DIP2C: variants seen among roughly 807,000 people sequenced by gnomAD.
DIP2C encodes the protein DIP2 acetate--CoA ligase C (putative).
In DIP2C, 33 loss-of-function variants were observed where a neutral mutation model predicts 192.4. That is an observed-to-expected ratio of 0.17 (90% CI 0.13 to 0.23). The LOEUF (loss-of-function observed/expected upper bound fraction) is 0.23, where lower values mean the gene tolerates loss of function less well. DIP2C is among the 10% of genes least tolerant of loss of function. The pLI is 1.00. For synonymous variants in DIP2C, 979 were observed against 864.1 expected (o/e 1.13, Z -2.33); for missense variants, 1,537 against 2,110.1 (o/e 0.73, Z 5.32).
chr10:669,880 A>C (rs1180244841), intron 1 of DIP2C, among the ~76,000 whole-genome samples: 8 of 152,270 alleles, frequency 5.3e-5, no homozygotes, highest in African/African-American at 1.9e-4. Flanking sequence ...GTAAACACAC[A>C]GTACAGAACA....
intron 1 of DIP2C, among the ~76,000 whole-genome samples, chr10:561,544 T>C (rs911729848): frequency 3.3e-5 from 5 of 152,194 alleles, no homozygotes; most frequent in African/African-American, 1.2e-4. Flanking sequence ...AGTTTACTCC[T>C]CTAAAACCAC....
At chr10:634,803 C>G (rs567251723) in intron 1 of DIP2C, among the ~76,000 whole-genome samples, 1 of 151,984 alleles carries the variant, frequency 6.6e-6, no homozygotes, top group Non-Finnish European at 1.5e-5. Flanking sequence ...ATGATTCTCA[C>G]GACACTGTCA....
chr10:643,887 G>A (rs1392757106), intron 1 of DIP2C, among the ~76,000 whole-genome samples: 1 of 152,230 alleles, frequency 6.6e-6, no homozygotes. Flanking sequence ...CTTCACAGAC[G>A]TATGAGGGTG....
intron 3 of DIP2C, among the ~76,000 whole-genome samples, chr10:464,242 T>C (rs1970027932): frequency 1.3e-5 from 2 of 151,956 alleles, no homozygotes; most frequent in South Asian, 4.2e-4. Context: ...TTGCAATCCA[T>C]CCATCTGACA....
At position 417,709 on chromosome 10, in the gene DIP2C, C is replaced by T. The variant is rs1342465737; in HGVS notation, c.739+1356G>A. On this transcript the variant is annotated intron_variant, in intron 6 of 36. Transcript: ENST00000280886. ...CCCTGTCCGCCTGTGCCTGTCGGCT[C>T]AAATAGGCCTCCCTGTCTGCCTGCG... Among the ~76,000 whole-genome samples, 147 of 131,382 alleles carry T rather than the reference C, an allele frequency of 1.1e-3. 4 individuals carry two copies. The highest frequency in any genetic ancestry group is 4.4e-3 in the Middle Eastern group (1 of 228). 86.2% of individuals were successfully genotyped at this position (131,382 alleles called of 152,430 possible). A position where few individuals can be genotyped will look rare whatever the true frequency, so the allele number is the denominator to read the frequency against.
intron 1 of DIP2C, among the ~76,000 whole-genome samples, chr10:537,258 C>T (rs1022819997): frequency 6.6e-6 from 1 of 152,070 alleles, no homozygotes; most frequent in African/African-American, 2.4e-5. Flanking sequence ...GGATCTAGAG[C>T]CCTGCACAGC....
At position 674,789 on chromosome 10, in the gene DIP2C, T is replaced by TATATATATATATAG; in HGVS notation, c.85+14704_85+14705insCTATATATATATAT. Among the ~76,000 whole-genome samples the TATATATATATATAG allele has an allele frequency of 6.1e-3, 384 of 62,468 alleles. 9 individuals are homozygous for TATATATATATATAG. Among genetic ancestry groups the TATATATATATATAG allele is most frequent in the Non-Finnish European group, 6.2e-3 (233 of 37,418 alleles). 41.0% of individuals were successfully genotyped at this position (62,468 alleles called of 152,430 possible). On this transcript the variant is annotated intron_variant, in intron 1 of 36. Transcript: ENST00000280886. Reference sequence around the variant, plus strand: ...CATCTCAAATATATATATATATATATAGAGAGAGAGAGAGAGAGAGAGAGA... The same window carrying TATATATATATATAG: ...CATCTCAAATATATATATATATATATATATATATATATAGAGAGAGAGAGAGAGAGAGAGAGAGA...
Position 666,616 on chromosome 10 carries a change from TGTCTGCCCGTGGCCTGTCTGCCCGTGG to T in DIP2C, c.85+22851_85+22877del. On this transcript the variant is annotated intron_variant, in intron 1 of 36. Coordinates refer to ENST00000280886, the MANE Select transcript of DIP2C (RefSeq NM_014974.3). This position sits in a 1 kb window ranked among gnomAD's most constrained non-coding sequence, Gnocchi z 4.1. ...GCCCGTGGCCTGTCTGCCCGTGGCC[TGTCTGCCCGTGGCCTGTCTGCCCGTGG>T]CCTGTCTGCGCACAGCTATTAAAAG... 1.2e-4 allele frequency: 1 copy of T among 8,092 alleles called. No individual in the cohort carries two copies. Among genetic ancestry groups the T allele is most frequent in the Middle Eastern group, 0.25 (1 of 4 alleles). The allele number at this position is 8,092 out of a possible 1,614,324, so 0.5% of individuals were successfully genotyped here.
In DIP2C at chr10:539,847, C is replaced by G. The variant is rs546090039; in HGVS notation, c.86-53317G>C. 3.3e-5 allele frequency among the ~76,000 whole-genome samples: 5 copies of G among 152,260 alleles called. No homozygotes were observed. The East Asian group carries it at 9.6e-4, about 29-fold the overall frequency. On this transcript the variant is annotated intron_variant, in intron 1 of 36. Transcript: ENST00000280886. ...CAAAAACAGCTATATCATAGAATAA[C>G]AGGATAAAGCAGACCTACAATATGC...
chr10:593,106 C>A (rs1002935509), intron 1 of DIP2C, among the ~76,000 whole-genome samples: 3 of 151,960 alleles, frequency 2.0e-5, no homozygotes, highest in Admixed American at 2.0e-4. Flanking sequence ...GCCTGCAATC[C>A]CAGCACTGAG....
Position 689,584 on chromosome 10 carries a change from GC to G in DIP2C, c.-7del. On this transcript the variant is annotated 5_prime_UTR_variant, in exon 1 of 37. Coordinates refer to ENST00000280886, the MANE Select transcript of DIP2C (RefSeq NM_014974.3). The surrounding 1 kb of genome is among the most constrained non-coding windows in gnomAD (Gnocchi z 6.1). ...TCCAGGCTGCGGTCCGCCATGCTCC[GC>G]GGGCGCCGCGCCCCGCACGGCCTCC... is the stretch of plus-strand genomic sequence containing the variant. 8.6e-7 allele frequency: 1 copy of G among 1,158,760 alleles called. No homozygotes were observed. The highest frequency in any genetic ancestry group is 1.1e-6 in the Non-Finnish European group (1 of 936,896). The allele number at this position is 1,158,760 out of a possible 1,614,324, so 71.8% of individuals were successfully genotyped here.
chr10:579,415 C>T (rs534628672), intron 1 of DIP2C, among the ~76,000 whole-genome samples: 153 of 151,726 alleles, frequency 1.0e-3, no homozygotes, highest in Non-Finnish European at 1.4e-3. Context: ...ATCCATATAG[C>T]GTATGTACAT....
Position 579,283 on chromosome 10 carries a change from C to T in DIP2C, c.86-92753G>A, listed in dbSNP as rs528466254. 9.2e-5 allele frequency among the ~76,000 whole-genome samples: 14 copies of T among 151,754 alleles called. 1 individual carries two copies. The highest frequency in any genetic ancestry group is 5.2e-4 in the Admixed American group (8 of 15,274). On this transcript the variant is annotated intron_variant, in intron 1 of 36. Coordinates refer to ENST00000280886, the MANE Select transcript of DIP2C (RefSeq NM_014974.3). ...TACATGCATACAGCATACACACATC[C>T]AGATTCATGTAGTGTACACACATAG...
At chr10:344,668 G>A (rs1024282728) in intron 28 of DIP2C, 141 bp downstream of exon 28, 12 of 689,682 alleles carry the variant, frequency 1.7e-5, no homozygotes, top group South Asian at 5.4e-5. Context: ...GTGTCATACC[G>A]TGAATGAAAC....
chr10:556,488 C>A (rs1030248375), intron 1 of DIP2C, among the ~76,000 whole-genome samples: 16 of 149,704 alleles, frequency 1.1e-4, no homozygotes, highest in African/African-American at 3.7e-4. Flanking sequence ...TGGCAGCGGC[C>A]ACCTGACTCT....
At chr10:628,330 A>C (rs1854313730) in intron 1 of DIP2C, among the ~76,000 whole-genome samples, 1 of 152,252 alleles carries the variant, frequency 6.6e-6, no homozygotes, top group Non-Finnish European at 1.5e-5. Context: ...CCATTGGCCC[A>C]AAAATCCACC....
At chr10:392,822 ACACACACACGCCCACG>A (rs1258087836) in intron 10 of DIP2C, among the ~76,000 whole-genome samples, 42 of 150,776 alleles carry the variant, frequency 2.8e-4, no homozygotes, top group African/African-American at 9.5e-4. Flanking sequence ...CAGCGCACAC[ACACACACACGCCCACG>A]CACACACACG....
At chr10:616,645 G>A (rs547112245) in intron 1 of DIP2C, among the ~76,000 whole-genome samples, 2 of 152,316 alleles carry the variant, frequency 1.3e-5, no homozygotes, top group South Asian at 2.1e-4. Flanking sequence ...CCACGTGTGC[G>A]TGGAGAGCAG....
At chr10:321,319 G>C (rs2132396358) in intron 31 of DIP2C, among the ~76,000 whole-genome samples, 1 of 152,342 alleles carries the variant, frequency 6.6e-6, no homozygotes, top group East Asian at 1.9e-4. Context: ...TAACACTCAT[G>C]AACTGTGCAG....
Sources: allele counts gnomAD v4.1 joint callset (sites outside exome capture counted in the v4.1 genomes callset), GRCh38; gene constraint gnomAD v4.1.1; non-coding constraint Gnocchi (gnomAD v3.1); transcripts MANE v1.5; gene names NCBI Gene and HGNC (gene_info 2026-07-23, HGNC 2026-07-21).